Variants in KIF26B observed in about 807,000 individuals in gnomAD.
The protein encoded by KIF26B is kinesin family member 26B.
KIF26B carries 63 observed loss-of-function variants against 151.2 expected under a neutral mutation model. That is an observed-to-expected ratio of 0.42 (90% CI 0.34 to 0.51). The LOEUF is 0.51. Ranked by LOEUF, KIF26B falls within the 20% of genes least tolerant of loss-of-function variation. The pLI is 0.07. For missense variants in KIF26B, 2,813 were observed against 2,913.6 expected (o/e 0.97, Z 0.79); for synonymous variants, 1,357 against 1,262.1 (o/e 1.08, Z -1.59).
intron 9 of KIF26B, among the ~76,000 whole-genome samples, chr1:245,645,608 C>G (rs1365845180): frequency 1.3e-5 from 2 of 152,190 alleles, no homozygotes; most frequent in African/African-American, 4.8e-5. Flanking sequence ...ATATTTGGGT[C>G]TTCCCTGTCT....
chr1:245,393,035 A>G (rs1463715786), intron 3 of KIF26B, among the ~76,000 whole-genome samples: 2 of 152,022 alleles, frequency 1.3e-5, no homozygotes, highest in African/African-American at 4.8e-5. Context: ...GCTGGGCGTG[A>G]TGGCAGATGC....
intron 3 of KIF26B, among the ~76,000 whole-genome samples, chr1:245,410,460 A>AT (rs1237379759): frequency 1.3e-5 from 2 of 151,498 alleles, no homozygotes; most frequent in Non-Finnish European, 2.9e-5. Flanking sequence ...TCTCTCTCTT[A>AT]TTTTTTGAGA....
intron 10 of KIF26B, among the ~76,000 whole-genome samples, chr1:245,663,351 C>T (rs2044178213): frequency 6.7e-6 from 1 of 149,070 alleles, no homozygotes; most frequent in African/African-American, 2.5e-5. Flanking sequence ...TTCTATTTTT[C>T]AAACATGGCC....
intron 9 of KIF26B, among the ~76,000 whole-genome samples, chr1:245,618,635 G>C (rs2043620614): frequency 7.3e-6 from 1 of 137,278 alleles, no homozygotes; most frequent in South Asian, 2.3e-4. Flanking sequence ...ACACTCCTGG[G>C]GCTGTGTCCA....
chr1:245,695,966 C>T (rs1322749579), intron 12 of KIF26B, among the ~76,000 whole-genome samples: 2 of 152,074 alleles, frequency 1.3e-5, no homozygotes, highest in Non-Finnish European at 2.9e-5. Flanking sequence ...CTACTCCCAT[C>T]TCACACGGTG....
rs1553332273 is a variant in KIF26B, at chr1:245,184,050, G to GTTTTGTTTTTTTTTTTTTTTTT, written c.465+27371_465+27372insGTTTTTTTTTTTTTTTTTTTTT. Among the ~76,000 whole-genome samples the GTTTTGTTTTTTTTTTTTTTTTT allele has an allele frequency of 5.6e-4, 11 of 19,802 alleles. 1 individual carries two copies. The highest frequency in any genetic ancestry group is 1.1e-3 in the Non-Finnish European group (11 of 10,062). 13.0% of individuals were successfully genotyped at this position (19,802 alleles called of 152,430 possible). A position where few individuals can be genotyped will look rare whatever the true frequency, so the allele number is the denominator to read the frequency against. The stretch of plus-strand genomic sequence containing the variant: ...GCAACAGGTATGGGTGGGAGTTGTT[G>GTTTTGTTTTTTTTTTTTTTTTT]TTTTTTTTTTTTTTTTTTTGAGCTT... On this transcript the variant is annotated intron_variant, in intron 2 of 14. Coordinates refer to ENST00000407071, the MANE Select transcript of KIF26B (RefSeq NM_018012.4).
chr1:245,590,338 A>G (rs2043274993), intron 5 of KIF26B, among the ~76,000 whole-genome samples: 1 of 152,194 alleles, frequency 6.6e-6, no homozygotes, highest in Non-Finnish European at 1.5e-5. Context: ...CAACGCGGAA[A>G]TGGGCCCTTT....
intron 4 of KIF26B, among the ~76,000 whole-genome samples, chr1:245,531,537 T>C (rs1354556371): frequency 6.6e-6 from 1 of 151,730 alleles, no homozygotes; most frequent in African/African-American, 2.4e-5. Flanking sequence ...AAATCCAAGG[T>C]CTAAGCATTG....
At chr1:245,160,165 T>G (rs1280753633) in intron 2 of KIF26B, among the ~76,000 whole-genome samples, 3 of 152,222 alleles carry the variant, frequency 2.0e-5, no homozygotes, top group African/African-American at 4.8e-5. Flanking sequence ...ACTTACCTGG[T>G]GAGTAGACGT....
chr1:245,507,903 C>A (rs1399079046), intron 4 of KIF26B, among the ~76,000 whole-genome samples: 1 of 152,180 alleles, frequency 6.6e-6, no homozygotes, highest in Non-Finnish European at 1.5e-5. Flanking sequence ...TGGCATCTTT[C>A]ATTTCCACCT....
Position 245,705,458 on chromosome 1 carries a change from G to A in KIF26B, c.*2852G>A, listed in dbSNP as rs549237877. The stretch of plus-strand genomic sequence containing the variant: ...CATTCTGAAGCAGTCCCAGTCACGG[G>A]AGGATGCCTTACCCAGTGGCCAGAC... On this transcript the variant is annotated 3_prime_UTR_variant, in exon 15 of 15. Coordinates refer to ENST00000407071, the MANE Select transcript of KIF26B (RefSeq NM_018012.4). 6.6e-6 allele frequency: 1 copy of A among 152,254 alleles called. No individual in the cohort carries two copies. The highest frequency in any genetic ancestry group is 2.4e-5 in the African/African-American group (1 of 41,540). 9.4% of individuals were successfully genotyped at this position (152,254 alleles called of 1,614,324 possible). A position where few individuals can be genotyped will look rare whatever the true frequency, so the allele number is the denominator to read the frequency against.
chr1:245,678,017 G>T (rs2044376472), intron 10 of KIF26B, among the ~76,000 whole-genome samples: 1 of 152,166 alleles, frequency 6.6e-6, no homozygotes, highest in Admixed American at 6.5e-5. Context: ...TGATGGCTTG[G>T]GACCCTGGTC....
At chr1:245,440,580 G>C (rs941408347) in intron 4 of KIF26B, among the ~76,000 whole-genome samples, 1 of 152,156 alleles carries the variant, frequency 6.6e-6, no homozygotes, top group African/African-American at 2.4e-5. Flanking sequence ...TTCGGGAGCA[G>C]ATCCCCAACT....
At chr1:245,309,502 G>A (rs1302400393) in intron 2 of KIF26B, among the ~76,000 whole-genome samples, 4 of 151,918 alleles carry the variant, frequency 2.6e-5, no homozygotes, top group Admixed American at 6.6e-5. Flanking sequence ...TGACGCCATC[G>A]GGTCTCCTGG....
intron 2 of KIF26B, among the ~76,000 whole-genome samples, chr1:245,326,417 G>A (rs1344376448): frequency 6.6e-6 from 1 of 152,174 alleles, no homozygotes; most frequent in Non-Finnish European, 1.5e-5. Context: ...TGAGGGAAGT[G>A]GCTTTATTTC....
chr1:245,576,816 T>G (rs1009791264), intron 5 of KIF26B, among the ~76,000 whole-genome samples: 3 of 152,210 alleles, frequency 2.0e-5, no homozygotes, highest in African/African-American at 4.8e-5. Flanking sequence ...CTCTCCTAAG[T>G]GGAAGCCTGG....
At position 245,680,022 on chromosome 1, in the gene KIF26B, C is replaced by A. The variant is rs534174122; in HGVS notation, c.2259-4211C>A. Among the ~76,000 whole-genome samples, 4 of 152,288 alleles carry A rather than the reference C, an allele frequency of 2.6e-5. No individual in the cohort carries two copies. In the South Asian group the frequency reaches 8.3e-4, roughly 32 times the overall value. On this transcript the variant is annotated intron_variant, in intron 10 of 14. Coordinates refer to ENST00000407071, the MANE Select transcript of KIF26B (RefSeq NM_018012.4). The stretch of plus-strand genomic sequence containing the variant: ...GGAGGGGGTGGCCAGCGGCCCTGCA[C>A]GCTTCTTCCTCTTTTCTCTTCCTCT...
Position 245,167,709 on chromosome 1 carries a change from C to T in KIF26B, c.465+11026C>T, listed in dbSNP as rs1264540198. Among the ~76,000 whole-genome samples the T allele has an allele frequency of 6.6e-6, 1 of 152,068 alleles. No homozygotes were observed. Among genetic ancestry groups the T allele is most frequent in the Non-Finnish European group, 1.5e-5 (1 of 68,020 alleles). On this transcript the variant is annotated intron_variant, in intron 2 of 14. Transcript: ENST00000407071. This position sits in a 1 kb window ranked among gnomAD's most constrained non-coding sequence, Gnocchi z 4.2. ...CCCAGTTCAGTTGTGTAACTTTGCA[C>T]AGCAGGGAGTCTCAGTCCTAAGCAG...
Position 245,602,165 on chromosome 1 carries a change from A to C in KIF26B, c.1351-412A>C, listed in dbSNP as rs1281276795. Among the ~76,000 whole-genome samples the C allele has an allele frequency of 6.6e-6, 1 of 152,230 alleles. No homozygotes were observed. The highest frequency in any genetic ancestry group is 1.5e-5 in the Non-Finnish European group (1 of 68,046). Reference sequence around the variant, plus strand: ...GTCCTGATGAGCTGAGCCAAGGAGTAAATTACGGAGCTAACTTTTATGTGC... The same window carrying C: ...GTCCTGATGAGCTGAGCCAAGGAGTCAATTACGGAGCTAACTTTTATGTGC... On this transcript the variant is annotated intron_variant, in intron 5 of 14. Transcript: ENST00000407071. The surrounding 1 kb of genome is among the most constrained non-coding windows in gnomAD (Gnocchi z 4.5).
Sources: gnomAD v4.1 joint callset for allele counts (sites outside exome capture counted in the v4.1 genomes callset) on GRCh38, gnomAD v4.1.1 for gene constraint, Gnocchi (gnomAD v3.1) non-coding constraint, MANE v1.5 for transcripts, NCBI Gene and HGNC (gene_info 2026-07-23, HGNC 2026-07-21) for gene names.